PPP2CB: variants seen among roughly 807,000 people sequenced by gnomAD.
The protein encoded by PPP2CB is protein phosphatase 2 catalytic subunit beta, also known as serine/threonine-protein phosphatase 2A catalytic subunit beta isoform.
Under a neutral mutation model 39.1 loss-of-function variants are expected in PPP2CB, and 18 were observed. The ratio of observed to expected loss-of-function variants is 0.46; its 90% CI spans 0.32 to 0.68. The LOEUF is 0.68. Among genes scored for constraint, PPP2CB ranks in the 30% least tolerant of loss-of-function variants. PPP2CB has a pLI of 0.04. For missense variants in PPP2CB, 226 were observed against 396.9 expected (o/e 0.57, Z 3.66); for synonymous variants, 129 against 133.8 (o/e 0.96, Z 0.25).
At chr8:30,809,800 G>A (rs1014155546) in intron 1 of PPP2CB, among the ~76,000 whole-genome samples, 2 of 151,964 alleles carry the variant, frequency 1.3e-5, no homozygotes, top group Non-Finnish European at 1.5e-5. Context: ...ATCCCGGTGT[G>A]GTGACACATG....
intron 1 of PPP2CB, among the ~76,000 whole-genome samples, chr8:30,810,429 C>T (rs937754678): frequency 2.0e-5 from 3 of 152,106 alleles, no homozygotes; most frequent in Non-Finnish European, 2.9e-5. Context: ...CCAGTCTGGG[C>T]GACAGACTGA....
rs1205804488 is a variant in PPP2CB, at chr8:30,809,506, A to G, written c.102+2814T>C. Among the ~76,000 whole-genome samples, 6 of 152,336 alleles carry G rather than the reference A, an allele frequency of 3.9e-5. No individual in the cohort carries two copies. In the East Asian group the frequency reaches 1.2e-3, roughly 29 times the overall value. On this transcript the variant is annotated intron_variant, in intron 1 of 6. Coordinates refer to ENST00000221138, the MANE Select transcript of PPP2CB (RefSeq NM_001009552.2). ...CCAGAAGAGGGCTGCAAAACTAAGC[A>G]CGGCTCAAAAAGAGTAGAGAGAAAT...
chr8:30,808,351 G>A (rs552810904), intron 1 of PPP2CB, among the ~76,000 whole-genome samples: 1 of 151,862 alleles, frequency 6.6e-6, no homozygotes, highest in East Asian at 1.9e-4. Context: ...CGCCCACCTC[G>A]ACCTCCCAAA....
intron 6 of PPP2CB, 181 bp from the exon 7 acceptor site, chr8:30,786,488 C>A: frequency 2.1e-6 from 1 of 469,398 alleles, no homozygotes; most frequent in Non-Finnish European, 3.8e-6. Flanking sequence ...CTAACTGCTT[C>A]ATAGGGCTAT....
chr8:30,809,516 AAGAGTAGAGAGAAAT>A (rs748774363), intron 1 of PPP2CB, among the ~76,000 whole-genome samples: 12 of 152,174 alleles, frequency 7.9e-5, no homozygotes, highest in Non-Finnish European at 1.5e-4. Context: ...ACGGCTCAAA[AAGAGTAGAGAGAAAT>A]GAGTATTATC....
At chr8:30,795,922 G>C (rs1806514613) in intron 3 of PPP2CB, among the ~76,000 whole-genome samples, 1 of 152,104 alleles carries the variant, frequency 6.6e-6, no homozygotes, top group African/African-American at 2.4e-5. Context: ...TTCTAGATCA[G>C]TTTTGTTCAC....
intron 6 of PPP2CB, among the ~76,000 whole-genome samples, chr8:30,787,061 T>C (rs1806354621): frequency 1.3e-5 from 2 of 152,252 alleles, no homozygotes; most frequent in African/African-American, 4.8e-5. Context: ...AATCCCTTAA[T>C]ATTAATATGG....
chr8:30,792,732 AG>A, intron 5 of PPP2CB, among the ~76,000 whole-genome samples: 1 of 152,050 alleles, frequency 6.6e-6, no homozygotes, highest in East Asian at 1.9e-4. Context: ...CTGGGATTAT[AG>A]GCATGAGCCA....
Position 30,812,541 on chromosome 8 carries a change from G to C in PPP2CB, c.-120C>G, listed in dbSNP as rs1806859622. 3.8e-5 allele frequency: 23 copies of C among 605,522 alleles called. No homozygotes were observed. Among genetic ancestry groups the C allele is most frequent in the Non-Finnish European group, 4.7e-5 (19 of 402,398 alleles). The allele number at this position is 605,522 out of a possible 1,614,324, so 37.5% of individuals were successfully genotyped here. ...CCTCTCCCTCCGCCGCCGTCGCCAG[G>C]TCCCACAGGGGGAGGACTGAGCCGG... On this transcript the variant is annotated 5_prime_UTR_variant, in exon 1 of 7. Transcript: ENST00000221138.
rs1586118763 is a variant in PPP2CB at position 30,786,308 on chromosome 8, C to CA, written c.858-2_858-1insT. On this transcript the variant is annotated splice_acceptor_variant, in intron 6 of 6. Coordinates refer to ENST00000221138, the MANE Select transcript of PPP2CB (RefSeq NM_001009552.2). LOFTEE classifies it high-confidence loss of function. ...ACGAGGCGCTGGGTCAAATTGAAGG[C>CA]TGTAAATGGCAAAAAAGGAAGCAAA... The CA allele has an allele frequency of 6.4e-7, 1 of 1,571,188 alleles. No homozygotes were observed. Among genetic ancestry groups the CA allele is most frequent in the Non-Finnish European group, 8.6e-7 (1 of 1,157,444 alleles).
At chr8:30,788,195 T>C (rs1806374124) in intron 6 of PPP2CB, among the ~76,000 whole-genome samples, 1 of 152,210 alleles carries the variant, frequency 6.6e-6, no homozygotes, top group Admixed American at 6.5e-5. Context: ...CAGGTTTAGT[T>C]TACTCTGCTT....
intron 6 of PPP2CB, among the ~76,000 whole-genome samples, chr8:30,788,774 C>T (rs1806383866): frequency 6.6e-6 from 1 of 152,176 alleles, no homozygotes; most frequent in South Asian, 2.1e-4. Flanking sequence ...TCATCTCCTG[C>T]CTAGTTGTTC....
chr8:30,806,226 T>C (rs1806723833), intron 1 of PPP2CB, among the ~76,000 whole-genome samples: 1 of 151,772 alleles, frequency 6.6e-6, no homozygotes, highest in South Asian at 2.1e-4. Context: ...TTTTTTTTTT[T>C]TGTATTTTTA....
In PPP2CB at chr8:30,799,371, G is replaced by A. The variant is rs75752050; in HGVS notation, c.312+175C>T. The stretch of plus-strand genomic sequence containing the variant: ...TACTCGAGAGAATGATACATTTATC[G>A]GGAATACACAGAAGTTATCCTTTTC... On this transcript the variant is annotated intron_variant, in intron 2 of 6. Coordinates refer to ENST00000221138, the MANE Select transcript of PPP2CB (RefSeq NM_001009552.2). Among the ~76,000 whole-genome samples, 1,338 of 152,128 alleles carry A rather than the reference G, an allele frequency of 8.8e-3. 16 individuals are homozygous for A. The highest frequency in any genetic ancestry group is 0.03 in the African/African-American group (1,260 of 41,524).
At chr8:30,801,484 A>G (rs577291481) in intron 1 of PPP2CB, among the ~76,000 whole-genome samples, 1 of 152,142 alleles carries the variant, frequency 6.6e-6, no homozygotes, top group African/African-American at 2.4e-5. Context: ...CAGTGAGCCA[A>G]GATCGTGCCA....
chr8:30,809,521 T>C (rs1314310171), intron 1 of PPP2CB, among the ~76,000 whole-genome samples: 1 of 150,002 alleles, frequency 6.7e-6, no homozygotes, highest in Admixed American at 6.6e-5. Flanking sequence ...TCAAAAAGAG[T>C]AGAGAGAAAT....
rs1586124211 is a variant in PPP2CB at position 30,797,481 on chromosome 8, T to C, written c.486+100A>G. 3.4e-6 allele frequency: 4 copies of C among 1,191,848 alleles called. No homozygotes were observed. In the African/African-American group the frequency reaches 6.2e-5, roughly 19 times the overall value. The allele number at this position is 1,191,848 out of a possible 1,614,324, so 73.8% of individuals were successfully genotyped here. ...AAGGAGGAGGAAAAGGCCGAGGAGATGCAGAAACACAGGTCATATGAATCT... is the reference window on the plus strand; with the variant it reads ...AAGGAGGAGGAAAAGGCCGAGGAGACGCAGAAACACAGGTCATATGAATCT... On this transcript the variant is annotated intron_variant, in intron 3 of 6. Transcript: ENST00000221138.
intron 6 of PPP2CB, among the ~76,000 whole-genome samples, chr8:30,788,819 T>C (rs929247035): frequency 6.6e-6 from 1 of 152,242 alleles, no homozygotes; most frequent in African/African-American, 2.4e-5. Flanking sequence ...GCTTAGTTTT[T>C]TCCTGTGTAG....
chr8:30,795,487 A>G (rs906347998), intron 3 of PPP2CB, among the ~76,000 whole-genome samples: 4 of 152,318 alleles, frequency 2.6e-5, no homozygotes, highest in African/African-American at 9.6e-5. Context: ...TTATTATTTT[A>G]TAAAATAACT....
Sources: allele counts gnomAD v4.1 joint callset (sites outside exome capture counted in the v4.1 genomes callset), GRCh38; gene constraint gnomAD v4.1.1; transcripts MANE v1.5; gene names NCBI Gene and HGNC (gene_info 2026-07-23, HGNC 2026-07-21).